The following ATG10 variants were observed in gnomAD, a reference collection of about 807,000 sequenced individuals.
ATG10 encodes ubiquitin-like-conjugating enzyme ATG10.
A neutral mutation model predicts 32.1 loss-of-function variants in ATG10; 30 were observed. The ratio of observed to expected loss-of-function variants is 0.94; its 90% CI spans 0.70 to 1.27. ATG10 has a LOEUF of 1.27. Ranked by LOEUF, ATG10 falls within the 50% of genes most tolerant of loss-of-function variation. ATG10 has a pLI of 0.00. For synonymous variants in ATG10, 87 were observed against 91.5 expected (o/e 0.95, Z 0.28); for missense variants, 233 against 262.3 (o/e 0.89, Z 0.77).
intron 5 of ATG10, among the ~76,000 whole-genome samples, chr5:82,233,348 C>T (rs181258875): frequency 2.6e-5 from 4 of 152,268 alleles, no homozygotes; most frequent in Admixed American, 1.3e-4. Context: ...ACATTTCTTC[C>T]TTTAATAACC....
chr5:81,973,795 GAAATTA>G (rs781631160), intron 1 of ATG10, among the ~76,000 whole-genome samples: 5 of 152,130 alleles, frequency 3.3e-5, no homozygotes, highest in Non-Finnish European at 7.4e-5. Context: ...TGAGTATTGA[GAAATTA>G]AAATTAAAGT....
At chr5:82,049,945 A>G (rs1763354205) in intron 2 of ATG10, among the ~76,000 whole-genome samples, 1 of 152,164 alleles carries the variant, frequency 6.6e-6, no homozygotes, top group East Asian at 1.9e-4. Context: ...ACAAGAAAAA[A>G]TAACACATGA....
intron 5 of ATG10, among the ~76,000 whole-genome samples, chr5:82,211,761 A>G (rs535198109): frequency 2.0e-5 from 3 of 151,450 alleles, no homozygotes. Flanking sequence ...CCATATTTCA[A>G]CTCTAGCGTC....
intron 3 of ATG10, among the ~76,000 whole-genome samples, chr5:82,119,275 T>A (rs1311815825): frequency 1.3e-5 from 2 of 152,186 alleles, no homozygotes; most frequent in Non-Finnish European, 2.9e-5. Context: ...CATTGCCCCT[T>A]TAACTTGAAA....
At chr5:81,980,522 C>T (rs1346439304) in intron 1 of ATG10, among the ~76,000 whole-genome samples, 2 of 152,066 alleles carry the variant, frequency 1.3e-5, no homozygotes, top group Non-Finnish European at 2.9e-5. Flanking sequence ...ATGGGTACAA[C>T]GAAATTTATG....
At chr5:82,231,183 T>C (rs949542713) in intron 5 of ATG10, among the ~76,000 whole-genome samples, 5 of 152,194 alleles carry the variant, frequency 3.3e-5, no homozygotes, top group Admixed American at 2.0e-4. Flanking sequence ...ACTCTCTTTT[T>C]GGGTCATAGA....
intron 2 of ATG10, among the ~76,000 whole-genome samples, chr5:81,991,598 A>G (rs1196209827): frequency 6.6e-6 from 1 of 152,182 alleles, no homozygotes; most frequent in Non-Finnish European, 1.5e-5. Flanking sequence ...GTTCGAGATC[A>G]GCCTGGCCAA....
chr5:82,250,051 A>C (rs1469737557), intron 5 of ATG10, among the ~76,000 whole-genome samples: 2 of 152,314 alleles, frequency 1.3e-5, no homozygotes, highest in East Asian at 3.9e-4. Flanking sequence ...TACATCAATA[A>C]GATTGGATTA....
chr5:82,237,538 G>A (rs144637008), intron 5 of ATG10, among the ~76,000 whole-genome samples: 3,099 of 151,934 alleles, frequency 0.02, 115 homozygotes, highest in African/African-American at 0.071. Flanking sequence ...CAACTACTCC[G>A]GAGGCTGAGG....
intron 2 of ATG10, among the ~76,000 whole-genome samples, chr5:82,028,676 A>G (rs557651379): frequency 1.3e-5 from 2 of 152,342 alleles, no homozygotes; most frequent in East Asian, 3.9e-4. Flanking sequence ...ACTAAAGTGC[A>G]GTAGATGTCC....
chr5:82,034,945 GTC>G (rs1450818989), intron 2 of ATG10, among the ~76,000 whole-genome samples: 1 of 151,976 alleles, frequency 6.6e-6, no homozygotes, highest in African/African-American at 2.4e-5. Context: ...CTGAGATGGA[GTC>G]TCTCTCTGTC....
chr5:82,176,979 ATAT>A (rs1197522430), intron 4 of ATG10, among the ~76,000 whole-genome samples: 1 of 152,212 alleles, frequency 6.6e-6, no homozygotes, highest in African/African-American at 2.4e-5. Context: ...CCTGCTTATA[ATAT>A]TAGTATGGTA....
intron 2 of ATG10, among the ~76,000 whole-genome samples, chr5:81,993,309 TC>T (rs66840013): frequency 0.48 from 46,830 of 97,768 alleles, 13,352 homozygotes; most frequent in East Asian, 0.86. Context: ...TTCCTTTCTT[TC>T]CTTTCTTTCT....
chr5:82,222,679 T>C (rs1281545208), intron 5 of ATG10, among the ~76,000 whole-genome samples: 1 of 152,186 alleles, frequency 6.6e-6, no homozygotes, highest in Non-Finnish European at 1.5e-5. Flanking sequence ...TGGTAGTGAT[T>C]ATAGTTTTAT....
chr5:82,053,714 T>C (rs1370501976), intron 2 of ATG10, among the ~76,000 whole-genome samples: 2 of 152,206 alleles, frequency 1.3e-5, no homozygotes, highest in Non-Finnish European at 2.9e-5. Context: ...TTCTTATTAA[T>C]TATTCTTCTA....
At chr5:82,237,761 C>T (rs1479391848) in intron 5 of ATG10, among the ~76,000 whole-genome samples, 2 of 152,112 alleles carry the variant, frequency 1.3e-5, no homozygotes, top group Admixed American at 6.6e-5. Context: ...TCACAACCAG[C>T]CTATCATATA....
At chr5:82,125,974 C>T (rs1766261044) in intron 3 of ATG10, among the ~76,000 whole-genome samples, 1 of 151,218 alleles carries the variant, frequency 6.6e-6, no homozygotes, top group Non-Finnish European at 1.5e-5. Context: ...TTGTAGTTCT[C>T]CTTGAAGAGG....
chr5:81,982,555 T>C (rs992612695), intron 1 of ATG10, among the ~76,000 whole-genome samples: 3 of 152,162 alleles, frequency 2.0e-5, no homozygotes, highest in Non-Finnish European at 4.4e-5. Flanking sequence ...TTTTTTTTTT[T>C]TCCCCTTTTA....
chr5:81,977,317 A>G (rs975883377), intron 1 of ATG10, among the ~76,000 whole-genome samples: 2 of 152,188 alleles, frequency 1.3e-5, no homozygotes, highest in African/African-American at 4.8e-5. Flanking sequence ...TTCCTTACCT[A>G]CTTCCCAGTA....
Sources: allele counts gnomAD v4.1 joint callset (sites outside exome capture counted in the v4.1 genomes callset), GRCh38; gene constraint gnomAD v4.1.1; transcripts MANE v1.5; gene names NCBI Gene and HGNC (gene_info 2026-07-23, HGNC 2026-07-21).